GDAP1: variants seen among roughly 807,000 people sequenced by gnomAD.
The protein encoded by GDAP1 is ganglioside induced differentiation associated protein 1.
GDAP1 carries 34 observed loss-of-function variants against 40.1 expected under a neutral mutation model. That is an observed-to-expected ratio of 0.85 (90% confidence interval 0.64 to 1.13). GDAP1 has a LOEUF of 1.13. Among genes scored for constraint, GDAP1 ranks in the 50% most tolerant of loss-of-function variants. The pLI is 0.00. For missense variants in GDAP1, 374 were observed against 433.7 expected (o/e 0.86, Z 1.22); for synonymous variants, 170 against 157.4 (o/e 1.08, Z -0.60).
chr8:74,421,150 G>A (rs1275809106), intron 2 of GDAP1, among the ~76,000 whole-genome samples: 3 of 152,040 alleles, frequency 2.0e-5, no homozygotes, highest in Non-Finnish European at 4.4e-5. Context: ...CTTCTCATGG[G>A]GACAGAAACA....
chr8:74,356,747 G>A (rs1218324996), intron 2 of GDAP1, among the ~76,000 whole-genome samples: 14 of 122,452 alleles, frequency 1.1e-4, no homozygotes, highest in Non-Finnish European at 2.1e-4. Context: ...ACGGAGTCTC[G>A]CTCTGTCACC....
At chr8:74,439,771 A>C (rs945931879) in intron 2 of GDAP1, among the ~76,000 whole-genome samples, 1 of 152,002 alleles carries the variant, frequency 6.6e-6, no homozygotes, top group East Asian at 1.9e-4. Context: ...ACTCTCTTTA[A>C]ACCATAAATT....
chr8:74,380,312 T>C (rs1428493377), intron 2 of GDAP1, among the ~76,000 whole-genome samples: 1 of 152,210 alleles, frequency 6.6e-6, no homozygotes, highest in Admixed American at 6.5e-5. Flanking sequence ...TCTAATATTC[T>C]TAGTTTGCAG....
chr8:74,403,587 A>G (rs921495797), intron 2 of GDAP1, among the ~76,000 whole-genome samples: 1 of 150,250 alleles, frequency 6.7e-6, no homozygotes, highest in Non-Finnish European at 1.5e-5. Context: ...GGTGAAGCAT[A>G]TCTACTAAAT....
chr8:74,394,921 T>C (rs537523540), intron 2 of GDAP1, among the ~76,000 whole-genome samples: 2 of 152,338 alleles, frequency 1.3e-5, no homozygotes, highest in South Asian at 4.1e-4. Context: ...ATACCTGAAG[T>C]TGCATCAATT....
At chr8:74,447,463 C>T (rs1265627276) in intron 2 of GDAP1, among the ~76,000 whole-genome samples, 3 of 152,080 alleles carry the variant, frequency 2.0e-5, no homozygotes, top group African/African-American at 4.8e-5. Flanking sequence ...GAATCGGAAA[C>T]TTTTTGAGTG....
intron 2 of GDAP1, among the ~76,000 whole-genome samples, chr8:74,428,251 CAAT>C (rs1479346361): frequency 4.8e-5 from 7 of 147,200 alleles, no homozygotes; most frequent in East Asian, 2.1e-4. Flanking sequence ...ACAACAACAA[CAAT>C]AACAACAACA....
chr8:74,384,101 C>G (rs1256291035), intron 2 of GDAP1, among the ~76,000 whole-genome samples: 1 of 152,110 alleles, frequency 6.6e-6, no homozygotes, highest in African/African-American at 2.4e-5. Context: ...GCACTGATAA[C>G]TGCTTGCTTT....
intron 2 of GDAP1, among the ~76,000 whole-genome samples, chr8:74,392,276 C>G (rs1240797724): frequency 6.6e-6 from 1 of 152,134 alleles, no homozygotes; most frequent in Non-Finnish European, 1.5e-5. Context: ...AAGTACTTCC[C>G]AGTTTTATCA....
Position 74,431,470 on chromosome 8 carries a change from CTTAT to C in GDAP1, c.166-57185_166-57182del, listed in dbSNP as rs147759233. Among the ~76,000 whole-genome samples the C allele has an allele frequency of 8.0e-3, 1,189 of 149,540 alleles. 20 individuals are homozygous for C. Among genetic ancestry groups the C allele is most frequent in the African/African-American group, 0.027 (1,117 of 40,638 alleles). The stretch of plus-strand genomic sequence containing the variant: ...AATGTGAACATGTTCAAAATTCTTT[CTTAT>C]TTATTTATTTATTTATTTATTTTTT... On this transcript the variant is annotated intron_variant, in intron 2 of 2. Coordinates refer to the GDAP1 transcript ENST00000523640.
intron 2 of GDAP1, among the ~76,000 whole-genome samples, chr8:74,400,742 G>C (rs987872997): frequency 3.3e-5 from 5 of 149,414 alleles, no homozygotes; most frequent in Non-Finnish European, 7.4e-5. Context: ...TTTTAGGGCA[G>C]GCCTGGTGGT....
intron 2 of GDAP1, among the ~76,000 whole-genome samples, chr8:74,486,179 G>A (rs1323211509): frequency 1.3e-5 from 2 of 152,128 alleles, no homozygotes; most frequent in African/African-American, 4.8e-5. Flanking sequence ...GAAAATGTTT[G>A]GTATCAGATG....
At chr8:74,457,682 A>G (rs1467238891) in intron 2 of GDAP1, among the ~76,000 whole-genome samples, 2 of 152,184 alleles carry the variant, frequency 1.3e-5, no homozygotes, top group Admixed American at 6.5e-5. Context: ...AGAACATTTA[A>G]AGAATTTCAT....
chr8:74,414,345 T>G (rs765109165), intron 2 of GDAP1, among the ~76,000 whole-genome samples: 8 of 150,134 alleles, frequency 5.3e-5, no homozygotes, highest in Non-Finnish European at 7.3e-5. Flanking sequence ...GTTGGAGTTA[T>G]GTGACAAGGG....
intron 2 of GDAP1, among the ~76,000 whole-genome samples, chr8:74,352,406 G>A (rs1808916247): frequency 5.7e-5 from 2 of 34,866 alleles, no homozygotes; most frequent in African/African-American, 2.2e-4. Flanking sequence ...CAGTTATGTT[G>A]ATGTTAATAG....
At chr8:74,358,294 T>G (rs1253106309) in intron 2 of GDAP1, among the ~76,000 whole-genome samples, 1 of 152,238 alleles carries the variant, frequency 6.6e-6, no homozygotes, top group East Asian at 1.9e-4. Flanking sequence ...TATGCTCTTC[T>G]GGAGAGAAGC....
chr8:74,396,586 A>G (rs544955188), intron 2 of GDAP1, among the ~76,000 whole-genome samples: 40 of 149,478 alleles, frequency 2.7e-4, no homozygotes, highest in Non-Finnish European at 3.5e-4. Flanking sequence ...ATTCCCACCT[A>G]TGAGTGAGAA....
intron 2 of GDAP1, among the ~76,000 whole-genome samples, chr8:74,416,901 AG>A (rs1305885661): frequency 6.9e-5 from 10 of 144,430 alleles, no homozygotes; most frequent in Non-Finnish European, 5.9e-5. Flanking sequence ...ACTTATGAAA[AG>A]TTTTTTTTTT....
intron 2 of GDAP1, among the ~76,000 whole-genome samples, chr8:74,434,310 G>C (rs1806062432): frequency 6.6e-6 from 1 of 152,194 alleles, no homozygotes; most frequent in African/African-American, 2.4e-5. Context: ...CTCAGTGTCT[G>C]TGACAGTGTC....
Sources: allele counts gnomAD v4.1 joint callset (sites outside exome capture counted in the v4.1 genomes callset), GRCh38; gene constraint gnomAD v4.1.1; transcripts MANE v1.5; gene names NCBI Gene and HGNC (gene_info 2026-07-23, HGNC 2026-07-21).